LHFPL3: variants seen among roughly 807,000 people sequenced by gnomAD.
LHFPL3 encodes LHFPL tetraspan subfamily member 3, also known as LHFPL tetraspan subfamily member 3 protein.
A neutral mutation model predicts 19.3 loss-of-function variants in LHFPL3; 5 were observed. That is an observed-to-expected ratio of 0.26 (90% CI 0.14 to 0.54). The LOEUF (loss-of-function observed/expected upper bound fraction) is 0.54. Among genes scored for constraint, LHFPL3 ranks in the 20% least tolerant of loss-of-function variants. The probability of loss-of-function intolerance (pLI) is 0.94; values close to 1 mark genes in which losing one functional copy is unlikely to be tolerated. For synonymous variants in LHFPL3, 133 were observed against 126.2 expected, an observed-to-expected ratio of 1.05 and a Z score of -0.36; for missense variants, 249 against 307.4, an observed-to-expected ratio of 0.81 and a Z score of 1.42.
intron 2 of LHFPL3, among the ~76,000 whole-genome samples, chr7:104,860,793 G>A (rs1290979643): frequency 6.6e-6 from 1 of 152,144 alleles, no homozygotes; most frequent in Non-Finnish European, 1.5e-5. Flanking sequence ...CTCTTGCCAA[G>A]AACTAGAAAA....
At chr7:104,398,849 C>CAG (rs57542139) in intron 1 of LHFPL3, among the ~76,000 whole-genome samples, 1 of 143,784 alleles carries the variant, frequency 7.0e-6, no homozygotes, top group African/African-American at 3.0e-5. Flanking sequence ...TGCCCGCCCC[C>CAG]CGGCCCTGAA....
At chr7:104,887,745 A>G (rs1405916756) in intron 2 of LHFPL3, among the ~76,000 whole-genome samples, 1 of 152,246 alleles carries the variant, frequency 6.6e-6, no homozygotes, top group African/African-American at 2.4e-5. Flanking sequence ...AGCATTTTCT[A>G]AGAATGGACG....
chr7:104,710,575 C>T (rs933508087), intron 1 of LHFPL3, among the ~76,000 whole-genome samples: 1 of 152,044 alleles, frequency 6.6e-6, no homozygotes, highest in Non-Finnish European at 1.5e-5. Context: ...CCAGACTACC[C>T]GAGGCATCAA....
chr7:104,658,171 T>C (rs994834358), intron 1 of LHFPL3, among the ~76,000 whole-genome samples: 26 of 152,254 alleles, frequency 1.7e-4, no homozygotes, highest in Non-Finnish European at 3.7e-4. Flanking sequence ...AAGATTCATA[T>C]AGCACTTTAT....
chr7:104,904,975 A>T (rs564283155), intron 2 of LHFPL3, among the ~76,000 whole-genome samples: 4 of 152,284 alleles, frequency 2.6e-5, no homozygotes, highest in Admixed American at 6.5e-5. Flanking sequence ...TGTGTGTGAC[A>T]GGGAGGGTCT....
chr7:104,688,362 C>T (rs1247158321), intron 1 of LHFPL3, among the ~76,000 whole-genome samples: 2 of 152,150 alleles, frequency 1.3e-5, no homozygotes, highest in African/African-American at 4.8e-5. Context: ...CAGACACAAG[C>T]TCTTATCATG....
At chr7:104,585,409 C>T (rs931647800) in intron 1 of LHFPL3, among the ~76,000 whole-genome samples, 3 of 150,328 alleles carry the variant, frequency 2.0e-5, no homozygotes, top group Admixed American at 6.7e-5. Flanking sequence ...TCACTTTTAT[C>T]CACAGCCACT....
intron 1 of LHFPL3, among the ~76,000 whole-genome samples, chr7:104,686,381 C>T (rs796773676): frequency 8.5e-5 from 13 of 152,280 alleles, no homozygotes; most frequent in African/African-American, 3.1e-4. Flanking sequence ...GGAGCAGCTG[C>T]ATGATTTCCA....
At chr7:104,403,055 A>G (rs1211959951) in intron 1 of LHFPL3, among the ~76,000 whole-genome samples, 1 of 140,636 alleles carries the variant, frequency 7.1e-6, no homozygotes, top group African/African-American at 3.3e-5. Flanking sequence ...GGGGCCTGTC[A>G]GGGGGTGATA....
chr7:104,430,996 A>G (rs1791992609), intron 1 of LHFPL3, among the ~76,000 whole-genome samples: 1 of 152,204 alleles, frequency 6.6e-6, no homozygotes, highest in Non-Finnish European at 1.5e-5. Context: ...TAAAATAATA[A>G]ATAAAATATC....
At chr7:104,843,752 G>T (rs1007682876) in intron 2 of LHFPL3, among the ~76,000 whole-genome samples, 1 of 152,188 alleles carries the variant, frequency 6.6e-6, no homozygotes, top group African/African-American at 2.4e-5. Context: ...TAAGAAGAGG[G>T]CCAGATGGGA....
chr7:104,735,703 C>A (rs56354034), intron 1 of LHFPL3, among the ~76,000 whole-genome samples: 1 of 152,186 alleles, frequency 6.6e-6, no homozygotes, highest in South Asian at 2.1e-4. Context: ...AGCTTACGCT[C>A]GGTGCACTGC....
At chr7:104,822,807 G>A (rs1790701160) in intron 2 of LHFPL3, among the ~76,000 whole-genome samples, 1 of 152,094 alleles carries the variant, frequency 6.6e-6, no homozygotes, top group African/African-American at 2.4e-5. Context: ...TGGATTGGAG[G>A]ATAAAAGTAA....
At chr7:104,448,931 G>A (rs1472238688) in intron 1 of LHFPL3, among the ~76,000 whole-genome samples, 3 of 152,210 alleles carry the variant, frequency 2.0e-5, no homozygotes, top group African/African-American at 7.2e-5. Context: ...CAGTTTGAAA[G>A]CAGGTGTGCA....
intron 1 of LHFPL3, among the ~76,000 whole-genome samples, chr7:104,592,973 A>G (rs952335331): frequency 6.6e-6 from 1 of 152,124 alleles, no homozygotes; most frequent in Non-Finnish European, 1.5e-5. Context: ...TTAGGGTGGC[A>G]TTGAATGAAA....
At chr7:104,357,585 A>C (rs1389518356) in intron 1 of LHFPL3, among the ~76,000 whole-genome samples, 7 of 152,208 alleles carry the variant, frequency 4.6e-5, no homozygotes, top group African/African-American at 1.7e-4. Context: ...CAATGAGAGA[A>C]ACAAAACCAA....
chr7:104,341,269 T>G (rs923969353), intron 1 of LHFPL3, among the ~76,000 whole-genome samples: 1 of 152,246 alleles, frequency 6.6e-6, no homozygotes, highest in African/African-American at 2.4e-5. Context: ...CTATTTTTCA[T>G]TAACATGTTA....
At chr7:104,819,870 G>T (rs562614574) in intron 2 of LHFPL3, among the ~76,000 whole-genome samples, 24 of 152,296 alleles carry the variant, frequency 1.6e-4, no homozygotes, top group African/African-American at 5.8e-4. Context: ...ACATGGCTGT[G>T]TAAAGAAACT....
intron 1 of LHFPL3, among the ~76,000 whole-genome samples, chr7:104,541,799 C>T (rs534811090): frequency 1.4e-4 from 22 of 151,878 alleles, no homozygotes; most frequent in African/African-American, 4.6e-4. Context: ...AAATAAAGTC[C>T]GGATGGTATT....
Sources: allele counts gnomAD v4.1 joint callset (sites outside exome capture counted in the v4.1 genomes callset), GRCh38; gene constraint gnomAD v4.1.1; transcripts MANE v1.5; gene names NCBI Gene and HGNC (gene_info 2026-07-23, HGNC 2026-07-21).